CPLANE1: variants seen among roughly 807,000 people sequenced by gnomAD.
CPLANE1 encodes ciliogenesis and planar polarity effector complex subunit 1.
Under a neutral mutation model 362.5 loss-of-function variants are expected in CPLANE1, and 263 were observed. That is an observed-to-expected ratio of 0.73 (90% CI 0.66 to 0.80). CPLANE1 has a LOEUF of 0.80. CPLANE1 is among the 30% of genes least tolerant of loss of function. The probability of loss-of-function intolerance (pLI) is 0.00; values close to 1 mark genes in which losing one functional copy is unlikely to be tolerated. For missense variants in CPLANE1, 3,461 were observed against 3,793.4 expected (o/e 0.91, Z 2.30); for synonymous variants, 1,212 against 1,302.6 (o/e 0.93, Z 1.50).
Position 37,153,556 on chromosome 5 carries a change from T to C in CPLANE1, c.8373+184A>G, listed in dbSNP as rs113402646. On this transcript the variant is annotated intron_variant, in intron 42 of 52. Transcript: ENST00000651892. Reference sequence around the variant, plus strand: ...ATGCTGCCAAATATCCTACAACGCATGGGACAGTCCCCCACAACAAAGAAT... The same window carrying C: ...ATGCTGCCAAATATCCTACAACGCACGGGACAGTCCCCCACAACAAAGAAT... Among the ~76,000 whole-genome samples, 1,300 of 152,234 alleles carry C rather than the reference T, an allele frequency of 8.5e-3. 20 individuals carry two copies. Among genetic ancestry groups the C allele is most frequent in the African/African-American group, 0.03 (1,230 of 41,544 alleles).
intron 31 of CPLANE1, among the ~76,000 whole-genome samples, chr5:37,174,852 ATCTATCTTTTCCTTT>A (rs1561496466): frequency 6.6e-6 from 1 of 152,190 alleles, no homozygotes; most frequent in Non-Finnish European, 1.5e-5. Flanking sequence ...ATTACAACTG[ATCTATCTTTTCCTTT>A]TCTGCCAAAG....
intron 42 of CPLANE1, 32 bp from the exon 43 acceptor site, chr5:37,148,300 G>A: frequency 7.2e-7 from 1 of 1,394,742 alleles, no homozygotes; most frequent in Non-Finnish European, 1.0e-6. Flanking sequence ...CAAAACAACA[G>A]TAATACTTTG....
At chr5:37,145,607 T>G (rs1771311303) in intron 43 of CPLANE1, among the ~76,000 whole-genome samples, 1 of 152,110 alleles carries the variant, frequency 6.6e-6, no homozygotes, top group Non-Finnish European at 1.5e-5. Flanking sequence ...CACCTTAAAT[T>G]TTAACTCACC....
chr5:37,094,782 TC>T, the CPLANE1 span, among the ~76,000 whole-genome samples: 197 of 152,096 alleles, frequency 1.3e-3, 2 homozygotes, highest in African/African-American at 4.6e-3. Flanking sequence ...ATACAAAAGA[TC>T]ATTCAAGGCT....
the CPLANE1 span, among the ~76,000 whole-genome samples, chr5:37,077,723 C>A: frequency 6.7e-6 from 1 of 149,338 alleles, no homozygotes; most frequent in Non-Finnish European, 1.5e-5. Flanking sequence ...AAGTGATCCT[C>A]CCACCTCAGC....
At chr5:37,214,376 G>A (rs1176950080) in intron 15 of CPLANE1, among the ~76,000 whole-genome samples, 1 of 152,110 alleles carries the variant, frequency 6.6e-6, no homozygotes, top group Non-Finnish European at 1.5e-5. Context: ...TCAGGGTGCT[G>A]AGGTAGGAGG....
chr5:37,210,214 C>T, intron 16 of CPLANE1: 4 of 1,583,670 alleles, frequency 2.5e-6, no homozygotes, highest in Non-Finnish European at 3.5e-6. Flanking sequence ...GAGATTTATG[C>T]TCAAAGGCAA....
At chr5:37,166,228 C>T (rs79304873) in intron 35 of CPLANE1, among the ~76,000 whole-genome samples, 5,063 of 152,216 alleles carry the variant, frequency 0.033, 300 homozygotes, top group African/African-American at 0.12. Context: ...TCAATATATG[C>T]GGTAAAACAC....
Position 37,183,133 on chromosome 5 carries a change from C to G in CPLANE1, c.5048G>C (p.Arg1683Thr), listed in dbSNP as rs1003435918. 6.2e-7 allele frequency: 1 copy of G among 1,613,016 alleles called. No homozygotes were observed. The highest frequency in any genetic ancestry group is 8.5e-7 in the Non-Finnish European group (1 of 1,179,688). Residue 1683 changes from arginine (R) to threonine (T), a missense_variant, in exon 26 of 53, where the codon AGG (arginine) becomes ACG (threonine). Physicochemically the swap from Arg to Thr is moderately conservative, Grantham distance 71 (BLOSUM62 -1). Coordinates refer to ENST00000651892, the MANE Select transcript of CPLANE1 (RefSeq NM_001384732.1). ...GMSGLFGLKQ[R>T]SIYKIQDDTR... Reference sequence around the variant, plus strand: ...GTCATCTTGTATTTTGTAAATTGACCTTTGTTTTAAACCAAATAATCCACT... The same window carrying G: ...GTCATCTTGTATTTTGTAAATTGACGTTTGTTTTAAACCAAATAATCCACT...
At chr5:37,199,797 T>C (rs1788629355) in intron 19 of CPLANE1, among the ~76,000 whole-genome samples, 1 of 152,186 alleles carries the variant, frequency 6.6e-6, no homozygotes. Flanking sequence ...GAGGGAAAGC[T>C]CATCCCACCT....
chr5:37,168,777 CA>C lies in CPLANE1; in HGVS notation c.7233+13del, dbSNP rs1408680889. On this transcript the variant is annotated intron_variant, in intron 34 of 52. Transcript: ENST00000651892. The stretch of plus-strand genomic sequence containing the variant: ...AGGACACTGCTTTTGCATTACCATA[CA>C]AAAATTCATTACCCTATTTTCTGGG... The C allele has an allele frequency of 1.2e-6, 2 of 1,601,666 alleles. No individual in the cohort carries two copies. Among genetic ancestry groups the C allele is most frequent in the African/African-American group, 2.7e-5 (2 of 74,494 alleles).
Position 37,245,596 on chromosome 5 carries a change from C to A in CPLANE1, c.220G>T (p.Ala74Ser), listed in dbSNP as rs1239469326. 3 of 1,507,692 alleles carry A rather than the reference C, an allele frequency of 2.0e-6. No homozygotes were observed. The South Asian group carries it at 4.0e-5, about 20-fold the overall frequency. 93.4% of individuals were successfully genotyped at this position (1,507,692 alleles called of 1,614,324 possible). Residue 74 changes from alanine (A) to serine (S), a missense_variant and splice_region_variant, in exon 4 of 53, where the codon GCC becomes TCC. Ala to Ser is a moderately conservative substitution (Grantham distance 99). This residue lies in a region of CPLANE1 where 3,380 missense variants were observed against 3,666.1 expected (regional missense o/e 0.92). Transcript: ENST00000651892. The stretch of plus-strand genomic sequence containing the variant: ...GTAGTTAGTACCCCAGCCAGCCAGG[C>A]ATCTGTTTCCAAAAATGAAATGCAA... ...VIVLTTSSND[A>S]WLAGVLTTGE...
At position 37,135,915 on chromosome 5, in the gene CPLANE1, C is replaced by T. The variant is rs575407822; in HGVS notation, c.8792+2805G>A. On this transcript the variant is annotated intron_variant, in intron 46 of 52. Coordinates refer to ENST00000651892, the MANE Select transcript of CPLANE1 (RefSeq NM_001384732.1). ...AGAACAGGATGGGGCAAAACACCTC[C>T]GTGATTAAATTATCTCCACCAACAT... is the stretch of plus-strand genomic sequence containing the variant. Among the ~76,000 whole-genome samples, 8 of 152,182 alleles carry T rather than the reference C, an allele frequency of 5.3e-5. No individual in the cohort carries two copies. In the South Asian group the frequency reaches 6.2e-4, roughly 12 times the overall value.
chr5:37,097,328 A>C, the CPLANE1 span, among the ~76,000 whole-genome samples: 1 of 152,174 alleles, frequency 6.6e-6, no homozygotes, highest in African/African-American at 2.4e-5. Flanking sequence ...CGAAAACAAC[A>C]ACCAAAAAAA....
intron 44 of CPLANE1, chr5:37,141,243 C>T (rs1769616972): frequency 1.0e-6 from 1 of 985,328 alleles, no homozygotes; most frequent in East Asian, 1.1e-4. Context: ...GGAATTCTCC[C>T]ATGTTCCCAA....
chr5:37,244,807 GAGACGGATCGCTTT>G (rs1346186569), intron 4 of CPLANE1, among the ~76,000 whole-genome samples, 200 bp from the exon 5 acceptor site: 2 of 151,982 alleles, frequency 1.3e-5, no homozygotes, highest in Admixed American at 1.3e-4. Flanking sequence ...GAGGCTTAAG[GAGACGGATCGCTTT>G]AGCCCAAAAG....
At chr5:37,239,918 A>T (rs1799950873) in intron 6 of CPLANE1, 49 bp from the exon 7 acceptor site, 2 of 1,282,534 alleles carry the variant, frequency 1.6e-6, no homozygotes, top group Admixed American at 2.9e-5. Context: ...GTAACTTTTA[A>T]ATTTATATGT....
intron 51 of CPLANE1, among the ~76,000 whole-genome samples, chr5:37,108,917 G>A (rs1340117201): frequency 6.6e-6 from 1 of 152,136 alleles, no homozygotes; most frequent in Non-Finnish European, 1.5e-5. Flanking sequence ...CAGTGAGTGT[G>A]GTGACAATAC....
chr5:37,203,345 C>T (rs1789754641), intron 18 of CPLANE1, among the ~76,000 whole-genome samples: 1 of 152,146 alleles, frequency 6.6e-6, no homozygotes, highest in Non-Finnish European at 1.5e-5. Context: ...TGTGATTCAT[C>T]TATGTTGTCA....
Sources: allele counts gnomAD v4.1 joint callset (sites outside exome capture counted in the v4.1 genomes callset), GRCh38; gene constraint gnomAD v4.1.1; regional missense constraint gnomAD v4.1.1; transcripts MANE v1.5; gene names NCBI Gene and HGNC (gene_info 2026-07-23, HGNC 2026-07-21).